The following CEP70 variants were observed in gnomAD, a reference collection of about 807,000 sequenced individuals.
CEP70 encodes the protein centrosomal protein of 70 kDa.
In CEP70, 70 loss-of-function variants were observed where a neutral mutation model predicts 90.9. That is an observed-to-expected ratio of 0.77 (90% CI 0.64 to 0.94). CEP70 has a LOEUF of 0.94. CEP70 is among the 40% of genes least tolerant of loss of function. CEP70 has a pLI of 0.00. For missense variants in CEP70, 648 were observed against 669.0 expected, an observed-to-expected ratio of 0.97 and a Z score of 0.35; for synonymous variants, 220 against 228.3, an observed-to-expected ratio of 0.96 and a Z score of 0.33.
At chr3:138,574,675 G>A (rs887548250) in intron 2 of CEP70, among the ~76,000 whole-genome samples, 5 of 152,202 alleles carry the variant, frequency 3.3e-5, no homozygotes, top group Non-Finnish European at 7.3e-5. Context: ...GCCTAACTGG[G>A]AGACACCTCC....
At chr3:138,544,311 A>G (rs1157200435) in intron 6 of CEP70, among the ~76,000 whole-genome samples, 1 of 151,996 alleles carries the variant, frequency 6.6e-6, no homozygotes, top group Non-Finnish European at 1.5e-5. Context: ...AGAAAACACA[A>G]TGAGATATCA....
intron 6 of CEP70, among the ~76,000 whole-genome samples, chr3:138,549,588 C>T (rs116495096): frequency 0.01 from 1,565 of 152,136 alleles, 10 homozygotes; most frequent in African/African-American, 0.024. Context: ...AGCTCAGACA[C>T]GCCTAACCCT....
At chr3:138,546,402 C>T (rs2039204466) in intron 6 of CEP70, among the ~76,000 whole-genome samples, 1 of 152,132 alleles carries the variant, frequency 6.6e-6, no homozygotes, top group Non-Finnish European at 1.5e-5. Context: ...GCCTGGTTTC[C>T]CCTTATTCTC....
At chr3:138,557,158 C>A (rs2040072397) in intron 6 of CEP70, among the ~76,000 whole-genome samples, 1 of 152,154 alleles carries the variant, frequency 6.6e-6, no homozygotes. Context: ...GATATTTCTC[C>A]CATTTGCTTT....
At chr3:138,556,775 G>C (rs2040041488) in intron 6 of CEP70, among the ~76,000 whole-genome samples, 1 of 152,052 alleles carries the variant, frequency 6.6e-6, no homozygotes, top group Non-Finnish European at 1.5e-5. Context: ...TGTACAAATA[G>C]GGTGTGGGTC....
At chr3:138,557,045 A>G (rs1178856835) in intron 6 of CEP70, among the ~76,000 whole-genome samples, 1 of 152,138 alleles carries the variant, frequency 6.6e-6, no homozygotes, top group Non-Finnish European at 1.5e-5. Context: ...TACAGTCTCG[A>G]CCATAGAAGA....
intron 11 of CEP70, among the ~76,000 whole-genome samples, chr3:138,513,361 T>C (rs973233273): frequency 6.6e-6 from 1 of 152,234 alleles, no homozygotes; most frequent in African/African-American, 2.4e-5. Context: ...GACTGAGGCA[T>C]GTGTCAAGTA....
chr3:138,536,959 T>C, intron 7 of CEP70: 1 of 329,488 alleles, frequency 3.0e-6, no homozygotes, highest in Non-Finnish European at 5.4e-6. Context: ...TAGTGTTATT[T>C]TTAGTAAATG....
intron 2 of CEP70, among the ~76,000 whole-genome samples, chr3:138,577,187 G>C (rs1372260110): frequency 1.3e-5 from 2 of 152,046 alleles, no homozygotes; most frequent in African/African-American, 4.8e-5. Context: ...ACACACCAGG[G>C]CCTGTCGTGG....
At chr3:138,515,222 T>G (rs1477519793) in intron 11 of CEP70, among the ~76,000 whole-genome samples, 4 of 152,088 alleles carry the variant, frequency 2.6e-5, no homozygotes, top group Non-Finnish European at 5.9e-5. Context: ...ATGATCAATA[T>G]ATAACCTTGT....
chr3:138,514,115 C>G (rs1014884164), intron 11 of CEP70, among the ~76,000 whole-genome samples: 2 of 152,136 alleles, frequency 1.3e-5, no homozygotes, highest in Non-Finnish European at 2.9e-5. Flanking sequence ...AAAGAAGGCT[C>G]TTGCCAGTTT....
chr3:138,499,893 A>G (rs2034329855), intron 16 of CEP70: 3 of 460,976 alleles, frequency 6.5e-6, no homozygotes, highest in Non-Finnish European at 1.2e-5. Context: ...ATAAGTTTTG[A>G]AAGTCTTTAA....
chr3:138,553,694 A>G (rs1292940667), intron 6 of CEP70, among the ~76,000 whole-genome samples: 1 of 152,190 alleles, frequency 6.6e-6, no homozygotes, highest in Non-Finnish European at 1.5e-5. Flanking sequence ...AATATCCCTG[A>G]TGAACATAGA....
chr3:138,550,619 TCCCAAAGTGCTGGGATTA>T (rs1283080301), intron 6 of CEP70, among the ~76,000 whole-genome samples: 4 of 152,166 alleles, frequency 2.6e-5, no homozygotes, highest in African/African-American at 9.7e-5. Flanking sequence ...CGCCTCAGCC[TCCCAAAGTGCTGGGATTA>T]CAGGCATGAG....
chr3:138,541,043 A>G (rs1443843536), intron 6 of CEP70, among the ~76,000 whole-genome samples: 3 of 152,220 alleles, frequency 2.0e-5, no homozygotes, highest in Non-Finnish European at 4.4e-5. Context: ...CTAAATGATG[A>G]GAACTTATGA....
At position 138,572,869 on chromosome 3, in the gene CEP70, G is replaced by A. The variant is rs1424203808; in HGVS notation, c.59C>T (p.Thr20Ile). The A allele has an allele frequency of 6.2e-7, 1 of 1,600,528 alleles. No homozygotes were observed. Residue 20 changes from threonine to isoleucine, a missense_variant, in exon 3 of 18, where the codon ACT becomes ATT. By Grantham distance (89) the Thr-to-Ile change is moderately conservative. Transcript: ENST00000264982. The part of the protein sequence containing the change: ...DSSQPSDRLM[T>I]EKQQEEAEWE... ...ATATTTTAAGTTTACCTGTTTTTCA[G>A]TCATGAGTCTGTCTGATGGTTGACT...
At position 138,494,960 on chromosome 3, in the gene CEP70, A is replaced by G; in HGVS notation, c.*55T>C. ...TGTCTCAAAATAAGATCAATCCTAC[A>G]AAATACAAAATGTTAAGAATACAAT... On this transcript the variant is annotated 3_prime_UTR_variant, in exon 18 of 18. Coordinates refer to ENST00000264982, the MANE Select transcript of CEP70 (RefSeq NM_024491.4). 9.9e-7 allele frequency: 1 copy of G among 1,006,186 alleles called. No homozygotes were observed. The highest frequency in any genetic ancestry group is 1.5e-6 in the Non-Finnish European group (1 of 653,134). 62.3% of individuals were successfully genotyped at this position (1,006,186 alleles called of 1,614,324 possible). A position where few individuals can be genotyped will look rare whatever the true frequency, so the allele number is the denominator to read the frequency against.
At chr3:138,534,053 G>A (rs868486146) in intron 7 of CEP70, among the ~76,000 whole-genome samples, 1 of 152,164 alleles carries the variant, frequency 6.6e-6, no homozygotes, top group Non-Finnish European at 1.5e-5. Flanking sequence ...CAAAGTGCTG[G>A]GATTACAGGC....
intron 6 of CEP70, among the ~76,000 whole-genome samples, chr3:138,562,465 T>C (rs1017233668): frequency 6.6e-5 from 10 of 152,224 alleles, no homozygotes; most frequent in Admixed American, 2.0e-4. Flanking sequence ...GAGAAAAAGG[T>C]TGGGGTTACC....
Sources: gnomAD v4.1 joint callset for allele counts (sites outside exome capture counted in the v4.1 genomes callset) on GRCh38, gnomAD v4.1.1 for gene constraint, MANE v1.5 for transcripts, NCBI Gene and HGNC (gene_info 2026-07-23, HGNC 2026-07-21) for gene names.